PHF21A: variants seen among roughly 807,000 people sequenced by gnomAD.
PHF21A encodes the protein PHD finger protein 21A, also known as BHC80a.
Under a neutral mutation model 82.5 loss-of-function variants are expected in PHF21A, and 11 were observed. That is an observed-to-expected ratio of 0.13 (90% CI 0.08 to 0.22). The LOEUF (loss-of-function observed/expected upper bound fraction) is 0.22. PHF21A is among the 10% of genes least tolerant of loss of function. PHF21A has a pLI of 1.00. For synonymous variants in PHF21A, 297 were observed against 302.8 expected (o/e 0.98, Z 0.20); for missense variants, 579 against 837.8 (o/e 0.69, Z 3.81).
intron 1 of PHF21A, among the ~76,000 whole-genome samples, chr11:46,093,048 G>A (rs1420306226): frequency 6.6e-6 from 1 of 152,138 alleles, no homozygotes; most frequent in East Asian, 1.9e-4. Context: ...GAGCCACTGT[G>A]CCTGGCCACA....
chr11:46,040,666 CTCACAAT>C (rs2096115780), intron 6 of PHF21A, among the ~76,000 whole-genome samples: 1 of 152,124 alleles, frequency 6.6e-6, no homozygotes, highest in African/African-American at 2.4e-5. Flanking sequence ...CAAACCCTTG[CTCACAAT>C]TCTATCCTGA....
intron 6 of PHF21A, among the ~76,000 whole-genome samples, chr11:46,067,581 G>T (rs1419054290): frequency 8.6e-6 from 1 of 116,680 alleles, no homozygotes; most frequent in Admixed American, 1.0e-4. Context: ...ATAATAATAA[G>T]AATATTCCAC....
chr11:46,004,564 T>C (rs936289140), intron 6 of PHF21A, among the ~76,000 whole-genome samples: 2 of 152,174 alleles, frequency 1.3e-5, no homozygotes, highest in Admixed American at 1.3e-4. Flanking sequence ...GACAGAATAT[T>C]CTCTATTCTT....
intron 6 of PHF21A, among the ~76,000 whole-genome samples, chr11:46,028,937 G>A (rs1191661768): frequency 6.6e-6 from 1 of 152,106 alleles, no homozygotes; most frequent in Non-Finnish European, 1.5e-5. Context: ...ATGCCCCAAA[G>A]GACTATATGA....
intron 6 of PHF21A, among the ~76,000 whole-genome samples, chr11:46,040,430 T>C (rs2096108682): frequency 6.6e-6 from 1 of 152,180 alleles, no homozygotes; most frequent in African/African-American, 2.4e-5. Flanking sequence ...AATCTAATTA[T>C]AAGTAGAAGA....
intron 6 of PHF21A, among the ~76,000 whole-genome samples, chr11:46,042,804 T>TAGGA (rs1217440062): frequency 2.4e-4 from 36 of 152,088 alleles, no homozygotes; most frequent in Admixed American, 2.2e-3. Flanking sequence ...TGCTATGTCC[T>TAGGA]CACAGCAAGA....
intron 6 of PHF21A, among the ~76,000 whole-genome samples, chr11:46,006,640 T>C (rs924739918): frequency 1.3e-5 from 2 of 152,230 alleles, no homozygotes; most frequent in Admixed American, 6.5e-5. Context: ...ATCAGTGAGA[T>C]TTCAGCTGAA....
intron 4 of PHF21A, among the ~76,000 whole-genome samples, chr11:46,080,808 C>G (rs1326122840): frequency 6.6e-6 from 1 of 152,030 alleles, no homozygotes; most frequent in East Asian, 1.9e-4. Flanking sequence ...GTTGGGACTA[C>G]AGGTGCACAC....
In PHF21A at chr11:46,107,184, TA is replaced by T. The variant is rs546659858; in HGVS notation, c.-237+13750del. ...TTTCCTATATGTTTGACAACATGCA[TA>T]AAACACTAGTTTAGACTATCATACA... is the stretch of plus-strand genomic sequence containing the variant. On this transcript the variant is annotated intron_variant, in intron 1 of 18. Transcript: ENST00000676320. Among the ~76,000 whole-genome samples, 20 of 152,346 alleles carry T rather than the reference TA, an allele frequency of 1.3e-4. No individual in the cohort carries two copies. The East Asian group carries it at 3.7e-3, about 28-fold the overall frequency.
chr11:45,952,380 T>C (rs1275892393), intron 11 of PHF21A, among the ~76,000 whole-genome samples: 1 of 152,220 alleles, frequency 6.6e-6, no homozygotes, highest in Non-Finnish European at 1.5e-5. Context: ...TAGCTGGGAC[T>C]ACAGACATGT....
chr11:46,102,915 A>G (rs2097112896), intron 1 of PHF21A, among the ~76,000 whole-genome samples: 1 of 152,228 alleles, frequency 6.6e-6, no homozygotes, highest in South Asian at 2.1e-4. Context: ...AAATAGAAAT[A>G]AAACAGTGGT....
intron 6 of PHF21A, among the ~76,000 whole-genome samples, chr11:45,985,163 GAGGAAAAAAA>G (rs2094449699): frequency 1.3e-5 from 2 of 151,942 alleles, no homozygotes; most frequent in African/African-American, 4.8e-5. Context: ...CTTACTCAAA[GAGGAAAAAAA>G]AGACTTTCTA....
At chr11:45,957,973 G>C (rs1301945830) in intron 10 of PHF21A, among the ~76,000 whole-genome samples, 2 of 151,892 alleles carry the variant, frequency 1.3e-5, no homozygotes, top group African/African-American at 4.8e-5. Flanking sequence ...AAGGATTATA[G>C]GAGAATATAT....
At chr11:46,107,190 A>T (rs1296359761) in intron 1 of PHF21A, among the ~76,000 whole-genome samples, 1 of 152,228 alleles carries the variant, frequency 6.6e-6, no homozygotes, top group Non-Finnish European at 1.5e-5. Flanking sequence ...TGCATAAAAC[A>T]CTAGTTTAGA....
chr11:46,018,350 A>G (rs1216491724), intron 6 of PHF21A, among the ~76,000 whole-genome samples: 1 of 152,200 alleles, frequency 6.6e-6, no homozygotes, highest in Non-Finnish European at 1.5e-5. Context: ...TTAGCTGCGC[A>G]TCATGAAGGT....
intron 3 of PHF21A, among the ~76,000 whole-genome samples, chr11:46,084,960 G>A (rs1426441068): frequency 1.3e-5 from 2 of 151,926 alleles, no homozygotes; most frequent in Non-Finnish European, 2.9e-5. Context: ...GATTACAGGC[G>A]TGAGCCACTG....
intron 1 of PHF21A, among the ~76,000 whole-genome samples, chr11:46,112,905 T>C (rs2136057182): frequency 6.6e-6 from 1 of 152,286 alleles, no homozygotes; most frequent in Non-Finnish European, 1.5e-5. Context: ...GTTTTCAATA[T>C]ATTATTTTGT....
chr11:45,988,524 CTT>C (rs774865472), intron 6 of PHF21A, among the ~76,000 whole-genome samples: 8 of 152,180 alleles, frequency 5.3e-5, no homozygotes, highest in Non-Finnish European at 1.2e-4. Flanking sequence ...ATATCACACT[CTT>C]GATGCTTAAA....
chr11:46,054,457 A>G (rs2096419929), intron 6 of PHF21A, among the ~76,000 whole-genome samples: 1 of 152,106 alleles, frequency 6.6e-6, no homozygotes, highest in South Asian at 2.1e-4. Context: ...CTACTCCTAC[A>G]CATCTTTTTA....
Sources: gnomAD v4.1 joint callset for allele counts (sites outside exome capture counted in the v4.1 genomes callset) on GRCh38, gnomAD v4.1.1 for gene constraint, MANE v1.5 for transcripts, NCBI Gene and HGNC (gene_info 2026-07-23, HGNC 2026-07-21) for gene names.